Variants in SRCIN1 observed in about 807,000 individuals in gnomAD.
SRCIN1 encodes the protein P130Cas-associated protein.
A neutral mutation model predicts 116.2 loss-of-function variants in SRCIN1; 50 were observed. The observed-to-expected ratio is 0.43, with a 90% CI of 0.34 to 0.54. The LOEUF is 0.54. SRCIN1 is among the 20% of genes least tolerant of loss of function. The pLI is 0.02. For missense variants in SRCIN1, 1,446 were observed against 1,672.0 expected (o/e 0.86, Z 2.36); for synonymous variants, 736 against 750.0 (o/e 0.98, Z 0.30).
At chr17:38,591,153 A>G (rs1908419655) in intron 1 of SRCIN1, among the ~76,000 whole-genome samples, 1 of 152,188 alleles carries the variant, frequency 6.6e-6, no homozygotes, top group Non-Finnish European at 1.5e-5. Flanking sequence ...GGCTGTGCAG[A>G]GACAGAACTG....
intron 1 of SRCIN1, among the ~76,000 whole-genome samples, chr17:38,600,642 C>T (rs749596663): frequency 5.3e-5 from 8 of 152,220 alleles, no homozygotes; most frequent in Non-Finnish European, 8.8e-5. Flanking sequence ...GCTAAGCTCC[C>T]GGCAGAGGGC....
intron 1 of SRCIN1, among the ~76,000 whole-genome samples, chr17:38,605,176 C>T (rs1487125720): frequency 6.6e-6 from 1 of 151,996 alleles, no homozygotes; most frequent in Non-Finnish European, 1.5e-5. Context: ...CCCACCACCA[C>T]CATCCTAGCC....
At chr17:38,567,975 C>T (rs2143244709) in intron 3 of SRCIN1, among the ~76,000 whole-genome samples, 1 of 152,304 alleles carries the variant, frequency 6.6e-6, no homozygotes, top group Non-Finnish European at 1.5e-5. Flanking sequence ...GCATCTCTAG[C>T]CCAGATCCCC....
At position 38,589,049 on chromosome 17, in the gene SRCIN1, G is replaced by A. The variant is rs571689777; in HGVS notation, c.23-10258C>T. ...CACATCTGCTCACTCATGCTTCTAC[G>A]TCAAACCTGTGCACCTCGGCATGCG... On this transcript the variant is annotated intron_variant, in intron 1 of 18. Transcript: ENST00000617146. 5.3e-5 allele frequency among the ~76,000 whole-genome samples: 8 copies of A among 152,300 alleles called. No homozygotes were observed. In the East Asian group the frequency reaches 1.2e-3, roughly 22 times the overall value.
At chr17:38,546,027 C>T (rs1006667334) in intron 17 of SRCIN1, among the ~76,000 whole-genome samples, 12 of 152,334 alleles carry the variant, frequency 7.9e-5, no homozygotes, top group African/African-American at 2.4e-4. Context: ...TGCCCCCTGA[C>T]AAATCCTCTG....
chr17:38,534,298 C>T (rs1036954643), intron 18 of SRCIN1, among the ~76,000 whole-genome samples: 3 of 152,190 alleles, frequency 2.0e-5, no homozygotes, highest in South Asian at 2.1e-4. Context: ...TGGCATGCAT[C>T]GTGAATGCAG....
intron 18 of SRCIN1, chr17:38,541,325 T>C (rs1904727830): frequency 6.6e-6 from 1 of 152,056 alleles, no homozygotes; most frequent in African/African-American, 2.4e-5. Flanking sequence ...GAAGCCATGT[T>C]TATAAGAAAG....
intron 3 of SRCIN1, among the ~76,000 whole-genome samples, chr17:38,567,372 G>A (rs1376232664): frequency 6.6e-6 from 1 of 152,180 alleles, no homozygotes. Flanking sequence ...GGGTCCATGC[G>A]CTTAACCACT....
intron 1 of SRCIN1, among the ~76,000 whole-genome samples, chr17:38,592,184 G>A (rs1469801693): frequency 6.6e-6 from 1 of 152,214 alleles, no homozygotes; most frequent in African/African-American, 2.4e-5. Context: ...TAATTCTGGT[G>A]TCTCATCAGA....
intron 15 of SRCIN1, among the ~76,000 whole-genome samples, chr17:38,550,466 C>T (rs1267915476): frequency 6.6e-6 from 1 of 151,926 alleles, no homozygotes; most frequent in East Asian, 1.9e-4. Context: ...TGCACTCCAG[C>T]CTGGGCGACA....
chr17:38,594,841 G>A (rs978778429), intron 1 of SRCIN1, among the ~76,000 whole-genome samples: 17 of 152,024 alleles, frequency 1.1e-4, no homozygotes, highest in South Asian at 4.2e-4. Flanking sequence ...TTTGGGGGGC[G>A]GCTTCCCCTG....
Position 38,549,074 on chromosome 17 carries a change from C to T in SRCIN1, c.3099G>A (p.Lys1033=), listed in dbSNP as rs771294847. 1.5e-5 allele frequency: 25 copies of T among 1,613,070 alleles called. No individual in the cohort carries two copies. The highest frequency in any genetic ancestry group is 1.3e-4 in the Admixed American group (8 of 59,936). The change falls in exon 16 of 19, where the codon AAG becomes AAA. Residue 1033 remains lysine, a synonymous_variant. Coordinates refer to ENST00000617146, the MANE Select transcript of SRCIN1 (RefSeq NM_025248.3). The part of the protein sequence containing the change: ...RTGEVVVTSK[K]DSAFIKKAES... ...GTGGTACCTTGATGAAGGCCGAGTC[C>T]TTCTTGCTGGTGACCACCACCTCTC...
At chr17:38,569,276 G>T (rs1316833792) in intron 2 of SRCIN1, among the ~76,000 whole-genome samples, 1 of 152,230 alleles carries the variant, frequency 6.6e-6, no homozygotes, top group Non-Finnish European at 1.5e-5. Flanking sequence ...GGGCCGGGTT[G>T]GTTCTTGGCA....
intron 1 of SRCIN1, among the ~76,000 whole-genome samples, chr17:38,587,336 C>T (rs552053793): frequency 6.6e-6 from 1 of 152,096 alleles, no homozygotes; most frequent in Non-Finnish European, 1.5e-5. Flanking sequence ...AGCTGTCTCT[C>T]CCCCAGGGCC....
rs1409379607 is a variant in SRCIN1, at chr17:38,558,450, C to T, written c.2026-48G>A. 3.3e-6 allele frequency: 5 copies of T among 1,538,392 alleles called. No homozygotes were observed. The highest frequency in any genetic ancestry group is 4.1e-5 in the Admixed American group (2 of 48,224). ...GACCCGGGTGGGGGGAGCGGAGCCG[C>T]GAGGCAGGGGAAGGGCCGGGAGAAG... On this transcript the variant is annotated intron_variant, in intron 10 of 18. Coordinates refer to ENST00000617146, the MANE Select transcript of SRCIN1 (RefSeq NM_025248.3). The surrounding 1 kb of genome is among the most constrained non-coding windows in gnomAD (Gnocchi z 4.6).
At position 38,605,924 on chromosome 17, in the gene SRCIN1, CGA is replaced by C. The variant is rs1258756416; in HGVS notation, c.-221_-220del. The C allele has an allele frequency of 2.1e-5, 3 of 143,854 alleles. No homozygotes were observed. The highest frequency in any genetic ancestry group is 4.6e-5 in the Non-Finnish European group (3 of 65,000). 8.9% of individuals were successfully genotyped at this position (143,854 alleles called of 1,614,324 possible). A position where few individuals can be genotyped will look rare whatever the true frequency, so the allele number is the denominator to read the frequency against. Reference sequence around the variant, plus strand: ...GGGCGTGTCACCGAGTGTGCGAGAGCGAGTGTGTGTGTGTTTGAGTGTGTGTC... The same window carrying C: ...GGGCGTGTCACCGAGTGTGCGAGAGCGTGTGTGTGTGTTTGAGTGTGTGTC... On this transcript the variant is annotated 5_prime_UTR_variant, in exon 1 of 19. Coordinates refer to ENST00000617146, the MANE Select transcript of SRCIN1 (RefSeq NM_025248.3).
chr17:38,594,231 T>TGGCTTCTCCC (rs1276583862), intron 1 of SRCIN1, among the ~76,000 whole-genome samples: 2 of 152,212 alleles, frequency 1.3e-5, no homozygotes, highest in African/African-American at 4.8e-5. Context: ...CGCGTTCTCC[T>TGGCTTCTCCC]GGCTTCTCCC....
chr17:38,589,428 G>A (rs895459229), intron 1 of SRCIN1, among the ~76,000 whole-genome samples: 5 of 152,194 alleles, frequency 3.3e-5, no homozygotes, highest in Non-Finnish European at 7.3e-5. Flanking sequence ...AAGACAGTGG[G>A]GACTTGCCCA....
At chr17:38,533,704 C>T (rs952793765) in intron 18 of SRCIN1, among the ~76,000 whole-genome samples, 7 of 139,342 alleles carry the variant, frequency 5.0e-5, no homozygotes, top group African/African-American at 8.1e-5. Context: ...AGAAGCAGAG[C>T]GACCAGAGAA....
Sources: gnomAD v4.1 joint callset for allele counts (sites outside exome capture counted in the v4.1 genomes callset) on GRCh38, gnomAD v4.1.1 for gene constraint, Gnocchi (gnomAD v3.1) non-coding constraint, MANE v1.5 for transcripts, NCBI Gene and HGNC (gene_info 2026-07-23, HGNC 2026-07-21) for gene names.